Variants in CNTN5 observed in about 807,000 individuals in gnomAD.
CNTN5 encodes the protein contactin-5.
CNTN5 carries 77 observed loss-of-function variants against 129.1 expected under a neutral mutation model. The observed-to-expected ratio is 0.60, with a 90% confidence interval of 0.50 to 0.72. The LOEUF is 0.72. Among genes scored for constraint, CNTN5 ranks in the 30% least tolerant of loss-of-function variants. The pLI is 0.00. For missense variants in CNTN5, 1,478 were observed against 1,328.8 expected (o/e 1.11, Z -1.75); for synonymous variants, 509 against 465.6 (o/e 1.09, Z -1.20).
chr11:99,994,772 G>T (rs1939337775), intron 8 of CNTN5, among the ~76,000 whole-genome samples: 1 of 152,112 alleles, frequency 6.6e-6, no homozygotes, highest in African/African-American at 2.4e-5. Context: ...TCTTCCTATG[G>T]GGCTTACAAG....
intron 3 of CNTN5, among the ~76,000 whole-genome samples, chr11:99,648,200 A>G (rs541546555): frequency 1.1e-4 from 16 of 151,958 alleles, no homozygotes; most frequent in African/African-American, 3.9e-4. Context: ...TTTGGCTTTT[A>G]TTCTGTTGAT....
intron 1 of CNTN5, among the ~76,000 whole-genome samples, chr11:99,180,950 A>G (rs181703558): frequency 3.9e-5 from 6 of 152,370 alleles, no homozygotes; most frequent in Middle Eastern, 3.4e-3. Context: ...ATTTTGCAAC[A>G]TAACAGTACG....
At chr11:99,212,324 T>A (rs1423536533) in intron 1 of CNTN5, among the ~76,000 whole-genome samples, 1 of 152,200 alleles carries the variant, frequency 6.6e-6, no homozygotes, top group East Asian at 1.9e-4. Context: ...CTTTACAGCT[T>A]AGTTTTTCCT....
Position 100,061,378 on chromosome 11 carries a change from C to A in CNTN5, c.1147C>A (p.Gln383Lys), listed in dbSNP as rs200696545. 11 of 1,596,734 alleles carry A rather than the reference C, an allele frequency of 6.9e-6. No individual in the cohort carries two copies. Among genetic ancestry groups the A allele is most frequent in the Non-Finnish European group, 8.6e-6 (10 of 1,166,964 alleles). The change falls in exon 10 of 25, where the codon CAA (glutamine) becomes AAA (lysine). Residue 383 changes from glutamine (Q) to lysine (K), a missense_variant. Physicochemically the swap from Gln to Lys is moderately conservative, Grantham distance 53. Transcript: ENST00000524871. ...NSRGKNSFRG[Q>K]LQVYTYPHWV... ...ACGTGGAAAAAATTCCTTTCGTGGACAATTACAAGTATACAGTAAGTGTTT... is the reference window on the plus strand; with the variant it reads ...ACGTGGAAAAAATTCCTTTCGTGGAAAATTACAAGTATACAGTAAGTGTTT...
intron 16 of CNTN5, among the ~76,000 whole-genome samples, chr11:100,226,235 G>T (rs938566595): frequency 5.9e-5 from 9 of 152,056 alleles, no homozygotes; most frequent in African/African-American, 2.2e-4. Context: ...CAAATTCATA[G>T]AAATTTGCTT....
chr11:100,191,052 C>T (rs1948470071), intron 13 of CNTN5, 74 bp from the exon 14 acceptor site: 3 of 1,026,278 alleles, frequency 2.9e-6, no homozygotes, highest in Non-Finnish European at 2.8e-6. Flanking sequence ...TGGTTTTAGA[C>T]TTCATCATTG....
chr11:100,084,636 A>T (rs1291827687), intron 13 of CNTN5, among the ~76,000 whole-genome samples: 1 of 152,098 alleles, frequency 6.6e-6, no homozygotes, highest in Non-Finnish European at 1.5e-5. Context: ...TTGCATGCTT[A>T]CATCTCTGTG....
At chr11:99,527,173 T>C (rs1947518772) in intron 2 of CNTN5, among the ~76,000 whole-genome samples, 1 of 152,210 alleles carries the variant, frequency 6.6e-6, no homozygotes, top group African/African-American at 2.4e-5. Flanking sequence ...TGCTAGCTAG[T>C]TTAGCTATTG....
intron 3 of CNTN5, among the ~76,000 whole-genome samples, chr11:99,678,584 A>G (rs1356549722): frequency 1.3e-5 from 2 of 152,118 alleles, no homozygotes; most frequent in East Asian, 1.9e-4. Context: ...ACAAAATCAC[A>G]TCAGTGCTTT....
At chr11:99,474,765 A>C (rs1945305848) in intron 2 of CNTN5, among the ~76,000 whole-genome samples, 1 of 152,136 alleles carries the variant, frequency 6.6e-6, no homozygotes, top group African/African-American at 2.4e-5. Context: ...AATTAAATCT[A>C]TTTTTAGGTT....
chr11:99,832,548 T>C (rs913184949), intron 4 of CNTN5, among the ~76,000 whole-genome samples: 1 of 152,216 alleles, frequency 6.6e-6, no homozygotes, highest in Non-Finnish European at 1.5e-5. Flanking sequence ...TTGAAGGTTT[T>C]ATAGTTTATA....
At chr11:99,651,540 TA>T (rs1952157124) in intron 3 of CNTN5, among the ~76,000 whole-genome samples, 1 of 152,028 alleles carries the variant, frequency 6.6e-6, no homozygotes, top group South Asian at 2.1e-4. Flanking sequence ...TAAAGTGTTT[TA>T]GCTATTAGAC....
chr11:99,877,985 T>C (rs1267255914), intron 6 of CNTN5, among the ~76,000 whole-genome samples: 1 of 152,222 alleles, frequency 6.6e-6, no homozygotes, highest in Non-Finnish European at 1.5e-5. Flanking sequence ...TTAAGCAGTC[T>C]ACTTCAATAC....
chr11:99,286,833 T>C (rs1279842612), intron 1 of CNTN5, among the ~76,000 whole-genome samples: 2 of 152,172 alleles, frequency 1.3e-5, no homozygotes, highest in African/African-American at 4.8e-5. Context: ...CTAAATTCTC[T>C]GAAGTAAAAA....
At chr11:99,347,858 A>G (rs573721259) in intron 2 of CNTN5, among the ~76,000 whole-genome samples, 16 of 152,338 alleles carry the variant, frequency 1.1e-4, no homozygotes, top group African/African-American at 3.6e-4. Context: ...CTAAAAAGGC[A>G]CTACTCTGCT....
chr11:99,690,423 T>C (rs1953993330), intron 3 of CNTN5, among the ~76,000 whole-genome samples: 1 of 152,104 alleles, frequency 6.6e-6, no homozygotes, highest in Admixed American at 6.6e-5. Flanking sequence ...TTGCTTAGGA[T>C]TGCCATGGCT....
intron 7 of CNTN5, among the ~76,000 whole-genome samples, chr11:99,945,151 A>G (rs1381331665): frequency 6.6e-6 from 1 of 152,142 alleles, no homozygotes; most frequent in East Asian, 1.9e-4. Context: ...ACAGAGTTCC[A>G]TATCAGAGAG....
intron 3 of CNTN5, among the ~76,000 whole-genome samples, chr11:99,697,818 A>G (rs183036970): frequency 1.1e-4 from 16 of 151,782 alleles, no homozygotes; most frequent in South Asian, 2.1e-4. Flanking sequence ...ATCTAAACCT[A>G]TTGTTAAAAA....
chr11:99,991,883 A>C (rs1939124981), intron 8 of CNTN5, among the ~76,000 whole-genome samples: 1 of 152,140 alleles, frequency 6.6e-6, no homozygotes, highest in African/African-American at 2.4e-5. Context: ...GGGTAATCAA[A>C]CTGGCCAAGG....
Sources: allele counts gnomAD v4.1 joint callset (sites outside exome capture counted in the v4.1 genomes callset), GRCh38; gene constraint gnomAD v4.1.1; transcripts MANE v1.5; gene names NCBI Gene and HGNC (gene_info 2026-07-23, HGNC 2026-07-21).